Variants in NARS2 observed in about 807,000 individuals in gnomAD.
NARS2 encodes asparaginyl-tRNA synthetase.
Under a neutral mutation model 62.9 loss-of-function variants are expected in NARS2, and 60 were observed. The ratio of observed to expected loss-of-function variants is 0.95; its 90% CI spans 0.77 to 1.18. The LOEUF is 1.18. Among genes scored for constraint, NARS2 ranks in the 50% most tolerant of loss-of-function variants. The pLI, the probability that NARS2 is intolerant of heterozygous loss-of-function variation, is 0.00. For synonymous variants in NARS2, 196 were observed against 200.0 expected, an observed-to-expected ratio of 0.98 and a Z score of 0.17; for missense variants, 619 against 576.4, an observed-to-expected ratio of 1.07 and a Z score of -0.76.
In NARS2 at chr11:78,437,231, G is replaced by A. The variant is rs181381398; in HGVS notation, c.1290-417C>T. Among the ~76,000 whole-genome samples, 374 of 152,212 alleles carry A rather than the reference G, an allele frequency of 2.5e-3. 2 individuals are homozygous for A. Among genetic ancestry groups the A allele is most frequent in the African/African-American group, 8.6e-3 (357 of 41,528 alleles). ...AAATCATATTGTTCAATACACAGAG[G>A]AGAGTGCAGAGTTTTGCCTGTTACA... On this transcript the variant is annotated intron_variant, in intron 13 of 13. Coordinates refer to ENST00000281038, the MANE Select transcript of NARS2 (RefSeq NM_024678.6).
intron 6 of NARS2, among the ~76,000 whole-genome samples, chr11:78,497,179 T>C (rs1860092716): frequency 6.8e-6 from 1 of 147,498 alleles, no homozygotes; most frequent in Non-Finnish European, 1.5e-5. Flanking sequence ...CAAAAGTACA[T>C]TCAATACACA....
In NARS2 at chr11:78,548,378, G is replaced by A. The variant is rs1855959136; in HGVS notation, c.594+11161C>T. Among the ~76,000 whole-genome samples, 3 of 150,706 alleles carry A rather than the reference G, an allele frequency of 2.0e-5. No homozygotes were observed. The South Asian group carries it at 6.2e-4, about 31-fold the overall frequency. On this transcript the variant is annotated intron_variant, in intron 5 of 13. Transcript: ENST00000281038. Reference sequence around the variant, plus strand: ...AAAACGTTTAAAAGAAAATAGGTAAGAGTAATCAAAAAGTGAAACCATCTA... The same window carrying A: ...AAAACGTTTAAAAGAAAATAGGTAAAAGTAATCAAAAAGTGAAACCATCTA...
At chr11:78,484,451 C>T (rs1171378536) in intron 7 of NARS2, among the ~76,000 whole-genome samples, 1 of 152,114 alleles carries the variant, frequency 6.6e-6, no homozygotes, top group Non-Finnish European at 1.5e-5. Flanking sequence ...AGTAAAGAGG[C>T]AACCTACAGA....
At position 78,500,762 on chromosome 11, in the gene NARS2, A is replaced by G. The variant is rs145422528; in HGVS notation, c.690-7567T>C. ...GTTGTATCTACCAACGTTTACTACT[A>G]AAATTGATAAATTAAAATTATGTTT... On this transcript the variant is annotated intron_variant, in intron 6 of 13. Transcript: ENST00000281038. Among the ~76,000 whole-genome samples the G allele has an allele frequency of 2.6e-5, 4 of 152,336 alleles. No homozygotes were observed. The East Asian group carries it at 7.7e-4, about 29-fold the overall frequency.
chr11:78,553,840 A>G (rs980798572), intron 5 of NARS2, among the ~76,000 whole-genome samples: 1 of 152,150 alleles, frequency 6.6e-6, no homozygotes, highest in African/African-American at 2.4e-5. Flanking sequence ...GGTATTGCCT[A>G]GGTTGTCTTC....
intron 7 of NARS2, among the ~76,000 whole-genome samples, chr11:78,480,062 C>A (rs1289304048): frequency 6.6e-6 from 1 of 151,946 alleles, no homozygotes; most frequent in Non-Finnish European, 1.5e-5. Flanking sequence ...CCACACCCAG[C>A]TAATTTTTTT....
intron 10 of NARS2, 72 bp from the exon 11 acceptor site, chr11:78,466,085 A>T: frequency 6.8e-7 from 1 of 1,467,330 alleles, no homozygotes. Context: ...GCTGAAAATA[A>T]CCTGCATCAA....
intron 9 of NARS2, among the ~76,000 whole-genome samples, chr11:78,469,717 A>G (rs1227054440): frequency 6.6e-6 from 1 of 152,242 alleles, no homozygotes; most frequent in African/African-American, 2.4e-5. Flanking sequence ...AGATAAAAAT[A>G]AAGCTCAGCC....
intron 11 of NARS2, 128 bp from the exon 12 acceptor site, chr11:78,443,886 C>A: frequency 4.7e-6 from 3 of 633,184 alleles, no homozygotes; most frequent in South Asian, 1.9e-5. Context: ...TTACTGACTA[C>A]ATACAAATTA....
chr11:78,492,621 TG>T lies in NARS2; in HGVS notation c.822+441del, dbSNP rs1859875427. Reference sequence around the variant, plus strand: ...TCTAATATAGCTACATAGGGGTTTATGTAAGTATTACAGACATTTATATAAT... The same window carrying T: ...TCTAATATAGCTACATAGGGGTTTATTAAGTATTACAGACATTTATATAAT... On this transcript the variant is annotated intron_variant, in intron 7 of 13. Coordinates refer to ENST00000281038, the MANE Select transcript of NARS2 (RefSeq NM_024678.6). Among the ~76,000 whole-genome samples the T allele has an allele frequency of 4.6e-5, 7 of 152,358 alleles. No individual in the cohort carries two copies. In the South Asian group the frequency reaches 1.4e-3, roughly 32 times the overall value.
chr11:78,559,691 G>A (rs1309071212), intron 4 of NARS2, 72 bp from the exon 5 acceptor site: 1 of 996,264 alleles, frequency 1.0e-6, no homozygotes. Flanking sequence ...TCCTCTTATA[G>A]TATTAAAATG....
At chr11:78,505,303 CACACACACACACACACACACAT>C (rs1276547473) in intron 6 of NARS2, among the ~76,000 whole-genome samples, 10 of 145,928 alleles carry the variant, frequency 6.9e-5, no homozygotes, top group African/African-American at 2.2e-4. Flanking sequence ...CACACACACA[CACACACACACACACACACACAT>C]ACGTATGTAT....
At chr11:78,479,670 C>G (rs10793315) in intron 7 of NARS2, among the ~76,000 whole-genome samples, 39,607 of 152,088 alleles carry the variant, frequency 0.26, 5,687 homozygotes, top group East Asian at 0.42. Context: ...GACAATATTA[C>G]GTCTTCTAAA....
intron 11 of NARS2, among the ~76,000 whole-genome samples, chr11:78,452,358 C>T (rs1264034100): frequency 1.3e-5 from 2 of 151,780 alleles, no homozygotes; most frequent in African/African-American, 2.4e-5. Flanking sequence ...CCACCTGCCT[C>T]GGCTTCCTAA....
chr11:78,457,900 G>C (rs1858232031), intron 11 of NARS2, among the ~76,000 whole-genome samples: 2 of 151,912 alleles, frequency 1.3e-5, no homozygotes, highest in African/African-American at 2.4e-5. Context: ...GATAAATATT[G>C]CATGTTCTCA....
intron 11 of NARS2, among the ~76,000 whole-genome samples, 196 bp downstream of exon 11, chr11:78,465,680 T>G (rs969407574): frequency 1.3e-5 from 2 of 152,184 alleles, no homozygotes; most frequent in East Asian, 3.8e-4. Flanking sequence ...GAAGAAGACC[T>G]TGTGACAGAA....
chr11:78,499,312 C>CT (rs980144306), intron 6 of NARS2, among the ~76,000 whole-genome samples: 3 of 152,012 alleles, frequency 2.0e-5, no homozygotes, highest in Non-Finnish European at 2.9e-5. Context: ...CCAAATTGCA[C>CT]TTTTTTTAAG....
intron 5 of NARS2, among the ~76,000 whole-genome samples, chr11:78,534,321 T>C (rs938682805): frequency 1.3e-5 from 2 of 152,220 alleles, no homozygotes; most frequent in Admixed American, 1.3e-4. Flanking sequence ...GGCCGCTCAA[T>C]AGGTACATAG....
intron 11 of NARS2, among the ~76,000 whole-genome samples, chr11:78,446,431 A>G (rs7950973): frequency 0.016 from 2,456 of 152,334 alleles, 56 homozygotes; most frequent in African/African-American, 0.056. Flanking sequence ...CAGAGCAAGG[A>G]GGAAGTCTGG....
Sources: allele counts gnomAD v4.1 joint callset (sites outside exome capture counted in the v4.1 genomes callset), GRCh38; gene constraint gnomAD v4.1.1; transcripts MANE v1.5; gene names NCBI Gene and HGNC (gene_info 2026-07-23, HGNC 2026-07-21).